The following NCOA1 variants were observed in gnomAD, a reference collection of about 807,000 sequenced individuals.
The protein encoded by NCOA1 is Hin-2 protein.
Under a neutral mutation model 150.9 loss-of-function variants are expected in NCOA1, and 35 were observed. The ratio of observed to expected loss-of-function variants is 0.23; its 90% CI spans 0.18 to 0.31. NCOA1 has a LOEUF of 0.31. Among genes scored for constraint, NCOA1 ranks in the 10% least tolerant of loss-of-function variants. NCOA1 has a pLI of 1.00. For missense variants in NCOA1, 1,491 were observed against 1,749.3 expected (o/e 0.85, Z 2.63); for synonymous variants, 590 against 630.0 (o/e 0.94, Z 0.95).
chr2:24,652,543 T>C (rs1274209244), intron 4 of NCOA1, among the ~76,000 whole-genome samples: 1 of 152,106 alleles, frequency 6.6e-6, no homozygotes, highest in Non-Finnish European at 1.5e-5. Context: ...AGGGACTTTT[T>C]AAAATTATGC....
intron 1 of NCOA1, among the ~76,000 whole-genome samples, chr2:24,524,657 G>T (rs1664575580): frequency 6.6e-6 from 1 of 151,548 alleles, no homozygotes; most frequent in African/African-American, 2.4e-5. Flanking sequence ...GCCCAGGCTG[G>T]AGTGCAATGG....
intron 7 of NCOA1, 55 bp downstream of exon 7, chr2:24,673,518 G>A: frequency 7.6e-7 from 1 of 1,311,796 alleles, no homozygotes; most frequent in Non-Finnish European, 1.1e-6. Context: ...TAGCCAGTTT[G>A]GTTTTTTCTT....
At chr2:24,598,743 T>G (rs1337398870) in intron 3 of NCOA1, among the ~76,000 whole-genome samples, 1 of 152,146 alleles carries the variant, frequency 6.6e-6, no homozygotes, top group Non-Finnish European at 1.5e-5. Flanking sequence ...ATGAAAACAT[T>G]TCTTTTACAT....
intron 1 of NCOA1, among the ~76,000 whole-genome samples, chr2:24,529,121 C>T (rs561974939): frequency 2.0e-5 from 3 of 152,166 alleles, no homozygotes; most frequent in East Asian, 3.9e-4. Context: ...TTCCTGACCT[C>T]GTGATCTGTT....
intron 5 of NCOA1, among the ~76,000 whole-genome samples, chr2:24,660,580 A>G (rs1223232779): frequency 6.6e-6 from 1 of 152,100 alleles, no homozygotes; most frequent in African/African-American, 2.4e-5. Flanking sequence ...TTGAGGTTTA[A>G]ATATGCATAG....
intron 17 of NCOA1, among the ~76,000 whole-genome samples, chr2:24,730,286 GA>G (rs1662937302): frequency 6.6e-6 from 1 of 152,172 alleles, no homozygotes. Flanking sequence ...AGGGATAAGG[GA>G]CCTTTTCATT....
At chr2:24,739,817 C>G (rs1663514962) in intron 18 of NCOA1, among the ~76,000 whole-genome samples, 2 of 152,086 alleles carry the variant, frequency 1.3e-5, no homozygotes, top group Admixed American at 6.6e-5. Context: ...GCGAATAGCA[C>G]CAGTAACAGG....
intron 1 of NCOA1, among the ~76,000 whole-genome samples, chr2:24,550,056 C>G (rs1246517234): frequency 1.3e-5 from 2 of 152,174 alleles, no homozygotes; most frequent in Non-Finnish European, 2.9e-5. Flanking sequence ...TAGCAAACAA[C>G]TTCCTCCTCT....
At chr2:24,509,351 A>G (rs531786956) in intron 1 of NCOA1, among the ~76,000 whole-genome samples, 8 of 152,334 alleles carry the variant, frequency 5.3e-5, no homozygotes, top group South Asian at 2.1e-4. Flanking sequence ...TTGTTCTTCT[A>G]TATCTGTAAA....
intron 1 of NCOA1, among the ~76,000 whole-genome samples, chr2:24,499,804 C>T (rs1183603536): frequency 6.6e-6 from 1 of 152,178 alleles, no homozygotes; most frequent in African/African-American, 2.4e-5. Flanking sequence ...GACCTTGTTC[C>T]AGCCCTGTCT....
At chr2:24,516,590 G>A (rs975879431) in intron 1 of NCOA1, among the ~76,000 whole-genome samples, 6 of 151,610 alleles carry the variant, frequency 4.0e-5, no homozygotes, top group Non-Finnish European at 8.8e-5. Flanking sequence ...ACTGATCCAA[G>A]CTAATGGCCA....
At chr2:24,722,892 A>G (rs1417649443) in intron 14 of NCOA1, among the ~76,000 whole-genome samples, 1 of 151,126 alleles carries the variant, frequency 6.6e-6, no homozygotes, top group Non-Finnish European at 1.5e-5. Context: ...TGGGGAGCTG[A>G]GACAGGAGGA....
chr2:24,715,892 C>G (rs1674011296), intron 14 of NCOA1, among the ~76,000 whole-genome samples: 1 of 152,118 alleles, frequency 6.6e-6, no homozygotes, highest in African/African-American at 2.4e-5. Flanking sequence ...CCTGTAATCC[C>G]AGCACTTTGG....
chr2:24,695,526 G>A (rs950862871), intron 10 of NCOA1, among the ~76,000 whole-genome samples: 1 of 152,072 alleles, frequency 6.6e-6, no homozygotes, highest in Non-Finnish European at 1.5e-5. Flanking sequence ...TGCTTAAAAT[G>A]TAAAACTAAC....
At chr2:24,562,080 T>G (rs542576688) in intron 1 of NCOA1, among the ~76,000 whole-genome samples, 1 of 152,102 alleles carries the variant, frequency 6.6e-6, no homozygotes, top group South Asian at 2.1e-4. Flanking sequence ...CTACTATTAT[T>G]AAAGGGGGAG....
At chr2:24,632,762 T>A (rs1352364533) in intron 3 of NCOA1, among the ~76,000 whole-genome samples, 1 of 152,216 alleles carries the variant, frequency 6.6e-6, no homozygotes, top group Non-Finnish European at 1.5e-5. Flanking sequence ...GGGTATAGGT[T>A]AACAGTGTAA....
At chr2:24,621,586 C>G (rs529108311) in intron 3 of NCOA1, among the ~76,000 whole-genome samples, 1 of 149,552 alleles carries the variant, frequency 6.7e-6, no homozygotes, top group East Asian at 2.0e-4. Flanking sequence ...TCAAGTGATT[C>G]TTCTGCCTCA....
chr2:24,566,468 C>T (rs1666510953), intron 2 of NCOA1, among the ~76,000 whole-genome samples: 1 of 152,214 alleles, frequency 6.6e-6, no homozygotes, highest in South Asian at 2.1e-4. Context: ...CTATCCTCTC[C>T]TCGAATTTGG....
rs193176988 is a variant in NCOA1, at chr2:24,503,781, G to A, written c.-396+12179G>A. On this transcript the variant is annotated intron_variant, in intron 1 of 22. Coordinates refer to ENST00000348332, the MANE Select transcript of NCOA1 (RefSeq NM_003743.5). ...ACAAGAGTCTTGCTCTGTCGTCCAG[G>A]CTGGATGTGGTGGTGTGATCTTGGC... Among the ~76,000 whole-genome samples the A allele has an allele frequency of 1.7e-3, 255 of 149,474 alleles. 4 individuals carry two copies. Among genetic ancestry groups the A allele is most frequent in the Non-Finnish European group, 1.5e-3 (102 of 67,708 alleles).
Sources: gnomAD v4.1 joint callset for allele counts (sites outside exome capture counted in the v4.1 genomes callset) on GRCh38, gnomAD v4.1.1 for gene constraint, MANE v1.5 for transcripts, NCBI Gene and HGNC (gene_info 2026-07-23, HGNC 2026-07-21) for gene names.